The following TIAM1 variants were observed in gnomAD, a reference collection of about 807,000 sequenced individuals.
TIAM1 encodes TIAM Rac1 associated GEF 1, also known as rho guanine nucleotide exchange factor TIAM1.
In TIAM1, 65 loss-of-function variants were observed where a neutral mutation model predicts 163.5. The ratio of observed to expected loss-of-function variants is 0.40; its 90% confidence interval spans 0.33 to 0.49. TIAM1 has a LOEUF of 0.49. Among genes scored for constraint, TIAM1 ranks in the 20% least tolerant of loss-of-function variants. TIAM1 has a pLI of 0.77. For missense variants in TIAM1, 1,789 were observed against 2,044.7 expected (o/e 0.87, Z 2.41); for synonymous variants, 833 against 810.1 (o/e 1.03, Z -0.48).
intron 15 of TIAM1, among the ~76,000 whole-genome samples, chr21:31,166,246 T>C (rs1383968912): frequency 5.9e-5 from 9 of 152,290 alleles, no homozygotes; most frequent in African/African-American, 1.9e-4. Context: ...GACAGTGGAT[T>C]GAGTACCACT....
chr21:31,153,144 GAA>G lies in TIAM1; in HGVS notation c.3172-12_3172-11del, dbSNP rs767419290. 2 of 1,601,844 alleles carry G rather than the reference GAA, an allele frequency of 1.2e-6. No homozygotes were observed. Among genetic ancestry groups the G allele is most frequent in the Non-Finnish European group, 1.7e-6 (2 of 1,174,822 alleles). The stretch of plus-strand genomic sequence containing the variant: ...TAAGACAGTTTAAATCCTAAGAATT[GAA>G]AAGAGAACTCATTAGCTTATGTGTT... On this transcript the variant is annotated splice_polypyrimidine_tract_variant and intron_variant, in intron 17 of 27. Coordinates refer to ENST00000541036, the MANE Select transcript of TIAM1 (RefSeq NM_001353694.2).
At position 31,250,166 on chromosome 21, in the gene TIAM1, A is replaced by G. The variant is rs199867731; in HGVS notation, c.1411+1576T>C. ...GTCTCAAACAGAAAAAAAAAAAAAA[A>G]AAAAAGAAAAAGATAATGCTGTAGG... On this transcript the variant is annotated intron_variant, in intron 5 of 27. Transcript: ENST00000541036. Among the ~76,000 whole-genome samples, 164 of 147,754 alleles carry G rather than the reference A, an allele frequency of 1.1e-3. No individual in the cohort carries two copies. In the East Asian group the frequency reaches 0.022, roughly 20 times the overall value.
intron 1 of TIAM1, among the ~76,000 whole-genome samples, chr21:31,522,053 A>C (rs2147497539): frequency 6.6e-6 from 1 of 151,688 alleles, no homozygotes; most frequent in South Asian, 2.1e-4. Flanking sequence ...TTGTATTTTT[A>C]GTAGAGACAG....
At chr21:31,295,525 A>G (rs1216706464) in intron 2 of TIAM1, among the ~76,000 whole-genome samples, 1 of 151,910 alleles carries the variant, frequency 6.6e-6, no homozygotes, top group Non-Finnish European at 1.5e-5. Flanking sequence ...AGCAATGAAG[A>G]CATGAGATGG....
At chr21:31,355,419 C>A (rs55764099) in intron 2 of TIAM1, among the ~76,000 whole-genome samples, 70,547 of 152,010 alleles carry the variant, frequency 0.46, 16,565 homozygotes, top group Admixed American at 0.53. Flanking sequence ...TTCAACATCA[C>A]CTTCTCAATG....
chr21:31,383,461 G>A (rs1341472509), intron 2 of TIAM1, among the ~76,000 whole-genome samples: 7 of 152,120 alleles, frequency 4.6e-5, no homozygotes, highest in Admixed American at 3.9e-4. Context: ...AAGTTGGTAG[G>A]ATGAGTCCTT....
At chr21:31,262,301 T>C (rs2072522687) in intron 4 of TIAM1, among the ~76,000 whole-genome samples, 1 of 152,254 alleles carries the variant, frequency 6.6e-6, no homozygotes, top group South Asian at 2.1e-4. Flanking sequence ...GATATGCTGC[T>C]AACTTCCTTG....
rs111356774 is a variant in TIAM1, at chr21:31,360,839, T to C, written c.-368-21417A>G. ...CATGCTGGTTTTTCAATTTACAAAA[T>C]GTAAATTCAAACCAGGAAATCCACT... On this transcript the variant is annotated intron_variant, in intron 2 of 28. Transcript: ENST00000286827. 4.3e-3 allele frequency among the ~76,000 whole-genome samples: 649 copies of C among 152,246 alleles called. 8 individuals are homozygous for C. The highest frequency in any genetic ancestry group is 0.015 in the African/African-American group (623 of 41,546).
intron 2 of TIAM1, among the ~76,000 whole-genome samples, chr21:31,416,661 T>C (rs2043383916): frequency 6.6e-6 from 1 of 152,242 alleles, no homozygotes; most frequent in African/African-American, 2.4e-5. Context: ...TCATTCCTTT[T>C]TGTGGCTGTT....
intron 2 of TIAM1, among the ~76,000 whole-genome samples, chr21:31,311,415 T>A (rs1413302727): frequency 6.6e-6 from 1 of 152,226 alleles, no homozygotes; most frequent in Non-Finnish European, 1.5e-5. Context: ...CACCATGGGT[T>A]CCAGGGATTA....
chr21:31,287,282 TG>T (rs2073847414), intron 2 of TIAM1, among the ~76,000 whole-genome samples: 1 of 152,220 alleles, frequency 6.6e-6, no homozygotes, highest in South Asian at 2.1e-4. Flanking sequence ...ATGAATTGTT[TG>T]GGTAAGACAG....
At chr21:31,474,241 G>A (rs992701821) in intron 1 of TIAM1, among the ~76,000 whole-genome samples, 4 of 152,150 alleles carry the variant, frequency 2.6e-5, no homozygotes, top group African/African-American at 9.7e-5. Flanking sequence ...ATTTCAACAT[G>A]AGATTTGGAG....
At chr21:31,228,220 TAA>T (rs71191197) in intron 6 of TIAM1, among the ~76,000 whole-genome samples, 550 of 16,160 alleles carry the variant, frequency 0.034, 29 homozygotes, top group East Asian at 0.11. Context: ...CTCCTTTTTT[TAA>T]AAAAAAAAAA....
At chr21:31,468,397 C>T (rs28514962) in intron 1 of TIAM1, among the ~76,000 whole-genome samples, 2 of 145,548 alleles carry the variant, frequency 1.4e-5, no homozygotes, top group Non-Finnish European at 3.0e-5. Context: ...GCAGGAGAAT[C>T]GCTTGAGCCC....
chr21:31,417,753 G>C (rs887052363), intron 2 of TIAM1, among the ~76,000 whole-genome samples: 5 of 152,174 alleles, frequency 3.3e-5, no homozygotes, highest in Non-Finnish European at 5.9e-5. Context: ...GGACATGGAG[G>C]TTTTCAACAG....
chr21:31,331,120 A>C (rs2075665769), intron 2 of TIAM1, among the ~76,000 whole-genome samples: 1 of 152,216 alleles, frequency 6.6e-6, no homozygotes, highest in African/African-American at 2.4e-5. Flanking sequence ...GCTAAAAAAA[A>C]CAAAAATGCT....
chr21:31,259,714 G>A (rs1181334150), intron 4 of TIAM1, among the ~76,000 whole-genome samples: 1 of 151,852 alleles, frequency 6.6e-6, no homozygotes, highest in African/African-American at 2.4e-5. Context: ...TATGGACTAG[G>A]GTTCCCTAAA....
chr21:31,364,173 A>G (rs1006711630), intron 2 of TIAM1, among the ~76,000 whole-genome samples: 27 of 152,234 alleles, frequency 1.8e-4, no homozygotes, highest in Non-Finnish European at 1.3e-4. Context: ...AAGTAACTGC[A>G]TGGTGAGCTT....
intron 25 of TIAM1, among the ~76,000 whole-genome samples, chr21:31,129,752 T>C (rs1159420165): frequency 1.3e-5 from 2 of 152,200 alleles, no homozygotes; most frequent in Non-Finnish European, 2.9e-5. Flanking sequence ...TGTAATACTT[T>C]AGGGAAAAAA....
Sources: gnomAD v4.1 joint callset for allele counts (sites outside exome capture counted in the v4.1 genomes callset) on GRCh38, gnomAD v4.1.1 for gene constraint, MANE v1.5 for transcripts, NCBI Gene and HGNC (gene_info 2026-07-23, HGNC 2026-07-21) for gene names.